The following CDKAL1 variants were observed in gnomAD, a reference collection of about 807,000 sequenced individuals.
CDKAL1 encodes the protein CDKAL1 threonylcarbamoyladenosine tRNA methylthiotransferase.
In CDKAL1, 32 loss-of-function variants were observed where a neutral mutation model predicts 68.2. The observed-to-expected ratio is 0.47, with a 90% CI of 0.35 to 0.63. CDKAL1 has a LOEUF of 0.63. Ranked by LOEUF, CDKAL1 falls within the 30% of genes least tolerant of loss-of-function variation. The pLI, the probability that CDKAL1 is intolerant of heterozygous loss-of-function variation, is 0.00. For missense variants in CDKAL1, 606 were observed against 696.7 expected, an observed-to-expected ratio of 0.87 and a Z score of 1.47; for synonymous variants, 234 against 244.3, an observed-to-expected ratio of 0.96 and a Z score of 0.39.
Position 21,198,097 on chromosome 6 carries a change from A to G in CDKAL1, c.1376A>G (p.Tyr459Cys), listed in dbSNP as rs374932945. The G allele has an allele frequency of 8.1e-6, 13 of 1,595,436 alleles. No individual in the cohort carries two copies. Among genetic ancestry groups the G allele is most frequent in the African/African-American group, 8.1e-5 (6 of 74,426 alleles). ...SKFYVAHNQF[Y>C]EQVLVPKNPA... is the part of the protein sequence containing the mutation. Reference sequence around the variant, plus strand: ...TTTTATGTTGCACACAATCAATTCTATGAGCAGGTAAGAGGCACTTCAGTA... The same window carrying G: ...TTTTATGTTGCACACAATCAATTCTGTGAGCAGGTAAGAGGCACTTCAGTA... Residue 459 changes from tyrosine to cysteine, a missense_variant, in exon 14 of 16, where the codon TAT (tyrosine) becomes TGT (cysteine). Tyr to Cys is a radical substitution (Grantham distance 194). Coordinates refer to ENST00000274695, the MANE Select transcript of CDKAL1 (RefSeq NM_017774.3).
At chr6:20,967,358 A>C (rs1023341182) in intron 10 of CDKAL1, among the ~76,000 whole-genome samples, 6 of 152,110 alleles carry the variant, frequency 3.9e-5, no homozygotes, top group African/African-American at 1.4e-4. Flanking sequence ...CATTTTAATT[A>C]CTTTGTTGTT....
intron 13 of CDKAL1, among the ~76,000 whole-genome samples, chr6:21,177,644 A>G (rs908621638): frequency 6.6e-6 from 1 of 151,668 alleles, no homozygotes; most frequent in Non-Finnish European, 1.5e-5. Context: ...GTTGGGTATT[A>G]TTTAAAGTTT....
At chr6:20,797,169 A>G (rs376093558) in intron 8 of CDKAL1, among the ~76,000 whole-genome samples, 117 of 152,336 alleles carry the variant, frequency 7.7e-4, no homozygotes, top group African/African-American at 2.8e-3. Context: ...GGAACTTTCA[A>G]AACTCACTAG....
intron 10 of CDKAL1, among the ~76,000 whole-genome samples, chr6:20,968,038 T>G (rs1241888773): frequency 1.3e-5 from 2 of 152,184 alleles, no homozygotes; most frequent in East Asian, 3.9e-4. Context: ...GCTTTTTGTC[T>G]TTGACTTTCA....
At chr6:21,161,812 A>G (rs77291082) in intron 13 of CDKAL1, among the ~76,000 whole-genome samples, 2,104 of 152,338 alleles carry the variant, frequency 0.014, 24 homozygotes, top group Non-Finnish European at 0.022. Flanking sequence ...AGGCTTGATA[A>G]TTTGAGTTTC....
At chr6:20,668,962 C>G (rs60984336) in intron 5 of CDKAL1, among the ~76,000 whole-genome samples, 15,062 of 151,960 alleles carry the variant, frequency 0.099, 2,397 homozygotes, top group African/African-American at 0.34. Flanking sequence ...TAGGAGTGGT[C>G]GATATTGCAC....
chr6:20,704,268 A>G (rs1485220113), intron 5 of CDKAL1, among the ~76,000 whole-genome samples: 1 of 152,216 alleles, frequency 6.6e-6, no homozygotes, highest in African/African-American at 2.4e-5. Context: ...GCTTAAAGAA[A>G]GGTAACATGT....
At chr6:21,226,774 G>A (rs561501016) in intron 15 of CDKAL1, among the ~76,000 whole-genome samples, 23 of 152,174 alleles carry the variant, frequency 1.5e-4, no homozygotes, top group East Asian at 1.4e-3. Context: ...GTGCAGTGGC[G>A]CGATCTCGGC....
chr6:20,624,917 G>A (rs1287356406), intron 4 of CDKAL1, among the ~76,000 whole-genome samples: 6 of 152,080 alleles, frequency 3.9e-5, no homozygotes, highest in Admixed American at 3.9e-4. Flanking sequence ...AATTCTGTCT[G>A]TAAGGCTTTT....
intron 10 of CDKAL1, among the ~76,000 whole-genome samples, chr6:20,977,659 C>T (rs1005611990): frequency 2.0e-5 from 3 of 152,150 alleles, no homozygotes; most frequent in African/African-American, 7.2e-5. Flanking sequence ...GGGCGGATCC[C>T]TTGAGCACAG....
At chr6:20,624,755 A>T (rs16884003) in intron 4 of CDKAL1, among the ~76,000 whole-genome samples, 20,106 of 152,100 alleles carry the variant, frequency 0.13, 1,705 homozygotes, top group South Asian at 0.24. Flanking sequence ...TTTTTTACAT[A>T]AGCTTCTGTA....
intron 12 of CDKAL1, among the ~76,000 whole-genome samples, chr6:21,073,406 T>A (rs933344761): frequency 6.6e-6 from 1 of 152,196 alleles, no homozygotes; most frequent in African/African-American, 2.4e-5. Flanking sequence ...TATAAAAAAT[T>A]GCCACACTGT....
intron 7 of CDKAL1, among the ~76,000 whole-genome samples, chr6:20,779,958 A>G (rs1414363995): frequency 2.0e-5 from 3 of 151,784 alleles, no homozygotes; most frequent in Admixed American, 6.6e-5. Context: ...TATAAAAACA[A>G]TAGGTCTAGG....
chr6:20,593,499 G>A (rs1338880136), intron 4 of CDKAL1, among the ~76,000 whole-genome samples: 1 of 151,696 alleles, frequency 6.6e-6, no homozygotes, highest in Non-Finnish European at 1.5e-5. Context: ...TTGTATTTCT[G>A]GGGGATCAGT....
At chr6:21,127,282 G>A (rs1484619300) in intron 13 of CDKAL1, among the ~76,000 whole-genome samples, 7 of 152,272 alleles carry the variant, frequency 4.6e-5, no homozygotes, top group African/African-American at 1.4e-4. Flanking sequence ...AATAATGCAA[G>A]TTATCATATT....
intron 5 of CDKAL1, among the ~76,000 whole-genome samples, chr6:20,732,023 T>C (rs899545077): frequency 2.0e-5 from 3 of 151,600 alleles, no homozygotes; most frequent in Non-Finnish European, 4.4e-5. Context: ...TCATCTTCTC[T>C]CTTTTTTTAA....
chr6:20,817,954 C>A (rs532555714), intron 8 of CDKAL1, among the ~76,000 whole-genome samples: 2 of 152,236 alleles, frequency 1.3e-5, no homozygotes, highest in Admixed American at 1.3e-4. Flanking sequence ...GCCTCCCATT[C>A]CTGAAGAAGG....
intron 9 of CDKAL1, among the ~76,000 whole-genome samples, chr6:20,919,369 GA>G (rs1385285269): frequency 1.3e-5 from 2 of 152,184 alleles, no homozygotes; most frequent in African/African-American, 4.8e-5. Context: ...ATGAAGGAAT[GA>G]AGACTGCTCA....
chr6:20,737,143 T>C (rs1773232690), intron 5 of CDKAL1, among the ~76,000 whole-genome samples: 1 of 152,194 alleles, frequency 6.6e-6, no homozygotes, highest in African/African-American at 2.4e-5. Context: ...TGCCCTGAGC[T>C]TTCTGTGCCT....
Sources: allele counts gnomAD v4.1 joint callset (sites outside exome capture counted in the v4.1 genomes callset), GRCh38; gene constraint gnomAD v4.1.1; transcripts MANE v1.5; gene names NCBI Gene and HGNC (gene_info 2026-07-23, HGNC 2026-07-21).